ERBB2: variants seen among roughly 807,000 people sequenced by gnomAD.
ERBB2 encodes receptor tyrosine-protein kinase erbB-2.
Under a neutral mutation model 149.0 loss-of-function variants are expected in ERBB2, and 61 were observed. The ratio of observed to expected loss-of-function variants is 0.41; its 90% CI spans 0.33 to 0.51. The LOEUF is 0.51. Among genes scored for constraint, ERBB2 ranks in the 20% least tolerant of loss-of-function variants. The pLI is 0.25. For synonymous variants in ERBB2, 633 were observed against 678.8 expected (o/e 0.93, Z 1.05); for missense variants, 1,205 against 1,655.1 (o/e 0.73, Z 4.72).
intron 20 of ERBB2, 52 bp from the exon 21 acceptor site, chr17:39,724,997 T>C (rs2059669945): frequency 6.2e-7 from 1 of 1,609,238 alleles, no homozygotes; most frequent in South Asian, 1.1e-5. Flanking sequence ...GCTGGGCATG[T>C]GGCCAGGCCC....
Position 39,725,160 on chromosome 17 carries a change from C to T in ERBB2, c.2605C>T (p.Leu869=), listed in dbSNP as rs104886010. ...AATTACAGACTTCGGGCTGGCTCGG[C>T]TGCTGGACATTGACGAGACAGAGTA... The part of the protein sequence containing the change: ...VKITDFGLAR[L]LDIDETEYHA... Residue 869 remains leucine (L), a synonymous_variant, in exon 21 of 27, where the codon CTG becomes TTG. Transcript: ENST00000269571. This position sits in a 1 kb window ranked among gnomAD's most constrained non-coding sequence, Gnocchi z 4.6. The T allele has an allele frequency of 6.2e-7, 1 of 1,614,114 alleles. No homozygotes were observed. Among genetic ancestry groups the T allele is most frequent in the Non-Finnish European group, 8.5e-7 (1 of 1,180,040 alleles).
At chr17:39,713,928 C>A (rs1322153718) in intron 9 of ERBB2, among the ~76,000 whole-genome samples, 1 of 151,078 alleles carries the variant, frequency 6.6e-6, no homozygotes. Context: ...CATGGTGGTA[C>A]GCACCTGTAG....
chr17:39,705,495 G>A (rs1567895975), intron 1 of ERBB2, among the ~76,000 whole-genome samples: 1 of 152,202 alleles, frequency 6.6e-6, no homozygotes, highest in Non-Finnish European at 1.5e-5. Flanking sequence ...GCAAGTGGGT[G>A]AGGCATGGAG....
exon 1 of ERBB2, chr17:39,688,164 G>T: frequency 1.5e-6 from 1 of 682,400 alleles, no homozygotes; most frequent in Non-Finnish European, 2.1e-6. Flanking sequence ...GTGGGCGCCT[G>T]CCCCGCCCCT....
chr17:39,691,556 A>AAAAAAAAAAAAAAAAAAAAAATAT (rs573116217), upstream of ERBB2, among the ~76,000 whole-genome samples: 1 of 84,202 alleles, frequency 1.2e-5, no homozygotes. Flanking sequence ...TAAAAAAAAA[A>AAAAAAAAAAAAAAAAAAAAAATAT]ATATATATAT....
upstream of ERBB2, among the ~76,000 whole-genome samples, chr17:39,689,948 A>G (rs1358512746): frequency 1.3e-5 from 2 of 151,846 alleles, no homozygotes; most frequent in Non-Finnish European, 2.9e-5. Context: ...TGAAGGCCTC[A>G]TCCTATATTA....
chr17:39,691,560 T>A (rs867688072), upstream of ERBB2, among the ~76,000 whole-genome samples: 4,138 of 116,564 alleles, frequency 0.035, 382 homozygotes, highest in African/African-American at 0.13. Flanking sequence ...AAAAAAAATA[T>A]ATATATATAT....
At chr17:39,712,986 G>T (rs760936458) in intron 9 of ERBB2, among the ~76,000 whole-genome samples, 25 of 152,094 alleles carry the variant, frequency 1.6e-4, no homozygotes, top group Non-Finnish European at 2.6e-4. Context: ...GCCCCAGGGT[G>T]GGGGGCTTCA....
In ERBB2 at chr17:39,726,427, G is replaced by C; in HGVS notation, c.2873-135G>C. On this transcript the variant is annotated intron_variant, in intron 23 of 26. Transcript: ENST00000269571. This position sits in a 1 kb window ranked among gnomAD's most constrained non-coding sequence, Gnocchi z 5.1. The stretch of plus-strand genomic sequence containing the variant: ...CTGGCTGAAGACCCCAGAGTCTGGT[G>C]CTACTTCTCTACCACCTGAGGGCTT... 1.4e-6 allele frequency: 1 copy of C among 694,180 alleles called. No individual in the cohort carries two copies. The highest frequency in any genetic ancestry group is 2.1e-5 in the Admixed American group (1 of 47,064). 43.0% of individuals were successfully genotyped at this position (694,180 alleles called of 1,614,324 possible). A position where few individuals can be genotyped will look rare whatever the true frequency, so the allele number is the denominator to read the frequency against.
intron 16 of ERBB2, chr17:39,720,137 AGAGTACAGCTGCAGCACTGAGG>A: frequency 4.8e-6 from 2 of 418,622 alleles, no homozygotes; most frequent in South Asian, 5.1e-5. Flanking sequence ...GAGACTGAGA[AGAGTACAGCTGCAGCACTGAGG>A]GAGTGATGAA....
chr17:39,704,659 T>C (rs2058316890), intron 1 of ERBB2, among the ~76,000 whole-genome samples: 1 of 152,134 alleles, frequency 6.6e-6, no homozygotes, highest in Non-Finnish European at 1.5e-5. Flanking sequence ...GAAGACCTTC[T>C]TGACTTCATG....
intron 9 of ERBB2, among the ~76,000 whole-genome samples, chr17:39,712,691 T>C (rs546137763): frequency 6.6e-6 from 1 of 152,240 alleles, no homozygotes; most frequent in Non-Finnish European, 1.5e-5. Context: ...TAAAGTAAAA[T>C]TCCCTTTGAG....
Position 39,723,704 on chromosome 17 carries a change from C to T in ERBB2, c.2208+44C>T, listed in dbSNP as rs764299186. 4.0e-5 allele frequency: 63 copies of T among 1,577,530 alleles called. No homozygotes were observed. The highest frequency in any genetic ancestry group is 4.8e-5 in the Non-Finnish European group (56 of 1,161,356). On this transcript the variant is annotated intron_variant, in intron 18 of 26. Transcript: ENST00000269571. This position sits in a 1 kb window ranked among gnomAD's most constrained non-coding sequence, Gnocchi z 6.2. ...GGTGGGCGGCCCCAGAGGATGGGGG[C>T]GGTGCCTGGAGGGGTGTGGTCGGCA... is the stretch of plus-strand genomic sequence containing the variant.
chr17:39,700,245 C>T lies in ERBB2; in HGVS notation c.7C>T (p.Leu3=), dbSNP rs2058005545. ...CGGAGCCGCAGTGAGCACCATGGAG[C>T]TGGCGGCCTTGTGCCGCTGGGGGCT... ME[L]AALCRWGLLL... Residue 3 remains leucine (L), a synonymous_variant, in exon 1 of 27, where the codon CTG becomes TTG. Coordinates refer to ENST00000269571, the MANE Select transcript of ERBB2 (RefSeq NM_004448.4). The T allele has an allele frequency of 6.9e-6, 10 of 1,444,498 alleles. No homozygotes were observed. The highest frequency in any genetic ancestry group is 9.1e-6 in the Non-Finnish European group (10 of 1,102,438). The allele number at this position is 1,444,498 out of a possible 1,614,324, so 89.5% of individuals were successfully genotyped here.
chr17:39,688,391 G>A (rs1026088206), intron 1 of ERBB2: 1 of 184,352 alleles, frequency 5.4e-6, no homozygotes, highest in African/African-American at 2.3e-5. Context: ...ACACCATCAT[G>A]TGTCGCCAAG....
chr17:39,719,479 G>A (rs547104924), intron 15 of ERBB2, among the ~76,000 whole-genome samples: 1 of 152,340 alleles, frequency 6.6e-6, no homozygotes, highest in South Asian at 2.1e-4. Flanking sequence ...AGTGGTATGG[G>A]TTTACCCTGG....
Position 39,726,953 on chromosome 17 carries a change from C to A in ERBB2, c.3109C>A (p.Pro1037Thr). The A allele has an allele frequency of 6.2e-7, 1 of 1,612,428 alleles. No homozygotes were observed. Reference sequence around the variant, plus strand: ...GGGCTTCTTCTGTCCAGACCCTGCCCCGGGCGCTGGGGGCATGGTCCACCA... The same window carrying A: ...GGGCTTCTTCTGTCCAGACCCTGCCACGGGCGCTGGGGGCATGGTCCACCA... ...QQGFFCPDPA[P>T]GAGGMVHHRH... is the part of the protein sequence containing the mutation. Residue 1037 changes from proline (P) to threonine (T), a missense_variant, in exon 25 of 27, where the codon CCG becomes ACG. Transcript: ENST00000269571. This position sits in a 1 kb window ranked among gnomAD's most constrained non-coding sequence, Gnocchi z 5.1.
At chr17:39,721,188 G>A (rs942130174) in intron 16 of ERBB2, among the ~76,000 whole-genome samples, 1 of 151,452 alleles carries the variant, frequency 6.6e-6, no homozygotes, top group Non-Finnish European at 1.5e-5. Flanking sequence ...GGGCTCAAGT[G>A]ATCCTCCAGT....
upstream of ERBB2, among the ~76,000 whole-genome samples, chr17:39,697,354 G>GTTTTTTTT (rs60262818): frequency 1.6e-5 from 2 of 122,138 alleles, no homozygotes; most frequent in Non-Finnish European, 1.8e-5. Flanking sequence ...TTTTTGTTTT[G>GTTTTTTTT]TTTTTTTTTT....
Sources: allele counts gnomAD v4.1 joint callset (sites outside exome capture counted in the v4.1 genomes callset), GRCh38; gene constraint gnomAD v4.1.1; non-coding constraint Gnocchi (gnomAD v3.1); transcripts MANE v1.5; gene names NCBI Gene and HGNC (gene_info 2026-07-23, HGNC 2026-07-21).